Variants in MAP7 observed in about 807,000 individuals in gnomAD.
The protein encoded by MAP7 is microtubule associated protein 7, also known as ensconsin.
Under a neutral mutation model 94.8 loss-of-function variants are expected in MAP7, and 52 were observed. That is an observed-to-expected ratio of 0.55 (90% CI 0.44 to 0.69). The LOEUF is 0.69. MAP7 is among the 30% of genes least tolerant of loss of function. The pLI, the probability that MAP7 is intolerant of heterozygous loss-of-function variation, is 0.00. For synonymous variants in MAP7, 350 were observed against 357.0 expected (o/e 0.98, Z 0.22); for missense variants, 940 against 964.6 (o/e 0.97, Z 0.34).
At chr6:136,346,750 T>G (rs897069651) in intron 16 of MAP7, among the ~76,000 whole-genome samples, 2 of 152,124 alleles carry the variant, frequency 1.3e-5, no homozygotes, top group Admixed American at 6.5e-5. Context: ...ATGAGGACCT[T>G]TGCCTCAAAG....
intron 1 of MAP7, among the ~76,000 whole-genome samples, chr6:136,484,595 G>T (rs1259100799): frequency 6.6e-6 from 1 of 152,112 alleles, no homozygotes; most frequent in African/African-American, 2.4e-5. Flanking sequence ...ATCAATTGAG[G>T]GTTGTTTTCT....
chr6:136,480,559 G>A (rs1340295680), intron 1 of MAP7, among the ~76,000 whole-genome samples: 9 of 144,990 alleles, frequency 6.2e-5, no homozygotes, highest in African/African-American at 2.3e-4. Context: ...GGAGAAAGGT[G>A]TGAACCTGGG....
intron 1 of MAP7, among the ~76,000 whole-genome samples, chr6:136,423,081 C>T (rs1436448367): frequency 6.6e-6 from 1 of 152,118 alleles, no homozygotes; most frequent in Non-Finnish European, 1.5e-5. Context: ...AAAAATCTAC[C>T]ATAAGACTTG....
intron 1 of MAP7, among the ~76,000 whole-genome samples, chr6:136,458,994 A>G (rs1804287535): frequency 2.0e-5 from 3 of 152,134 alleles, no homozygotes; most frequent in Admixed American, 2.0e-4. Flanking sequence ...ATTGCAAACC[A>G]TATCATCTGA....
At chr6:136,362,020 C>T (rs892237138) in intron 11 of MAP7, among the ~76,000 whole-genome samples, 2 of 152,032 alleles carry the variant, frequency 1.3e-5, no homozygotes, top group Admixed American at 6.5e-5. Context: ...TGTTGAGAGA[C>T]TAGAAAGGAC....
intron 5 of MAP7, among the ~76,000 whole-genome samples, chr6:136,385,785 T>A (rs2128647649): frequency 6.6e-6 from 1 of 152,324 alleles, no homozygotes; most frequent in African/African-American, 2.4e-5. Flanking sequence ...TTTGTTTTAT[T>A]TTTGAGACAG....
chr6:136,462,169 TAAA>T (rs35449742), intron 1 of MAP7, among the ~76,000 whole-genome samples: 4 of 137,278 alleles, frequency 2.9e-5, no homozygotes, highest in African/African-American at 5.4e-5. Context: ...ACCCTTCTCT[TAAA>T]AAAAAAAAAA....
chr6:136,532,039 C>T (rs1030712185), intron 1 of MAP7, among the ~76,000 whole-genome samples: 6 of 152,022 alleles, frequency 3.9e-5, no homozygotes, highest in African/African-American at 1.4e-4. Flanking sequence ...CTTATCCATT[C>T]AGTAAGAATA....
At chr6:136,504,216 T>C (rs1820670368) in intron 1 of MAP7, among the ~76,000 whole-genome samples, 1 of 152,068 alleles carries the variant, frequency 6.6e-6, no homozygotes, top group African/African-American at 2.4e-5. Context: ...CAAGGGTACA[T>C]ATTATCTCCC....
chr6:136,482,046 G>C lies in MAP7; in HGVS notation c.68-60247C>G, dbSNP rs1812999478. Among the ~76,000 whole-genome samples, 5 of 152,192 alleles carry C rather than the reference G, an allele frequency of 3.3e-5. No individual in the cohort carries two copies. The South Asian group carries it at 1.0e-3, about 32-fold the overall frequency. ...AAAATTTTTAGAAAGATTTACATTA[G>C]ACAAATGTAAATTAAAACCACAATG... On this transcript the variant is annotated intron_variant, in intron 1 of 17. Coordinates refer to ENST00000354570, the MANE Select transcript of MAP7 (RefSeq NM_003980.6).
intron 1 of MAP7, among the ~76,000 whole-genome samples, chr6:136,546,256 G>A (rs1829731444): frequency 6.6e-6 from 1 of 150,940 alleles, no homozygotes; most frequent in Non-Finnish European, 1.5e-5. Context: ...CATGTGATCT[G>A]CCTGCTTCAG....
In MAP7 at chr6:136,417,186, T is replaced by G. The variant is rs566746399; in HGVS notation, c.166+4515A>C. ...GGATCTAATATGGTTAGAATAAAAT[T>G]AAGTTACTGATTCTCACAAGGAAAA... is the stretch of plus-strand genomic sequence containing the variant. On this transcript the variant is annotated intron_variant, in intron 2 of 17. Coordinates refer to ENST00000354570, the MANE Select transcript of MAP7 (RefSeq NM_003980.6). Among the ~76,000 whole-genome samples the G allele has an allele frequency of 3.3e-5, 5 of 152,310 alleles. No individual in the cohort carries two copies. The South Asian group carries it at 6.2e-4, about 19-fold the overall frequency.
intron 1 of MAP7, among the ~76,000 whole-genome samples, chr6:136,530,369 G>A (rs1828384743): frequency 6.6e-6 from 1 of 152,184 alleles, no homozygotes; most frequent in Non-Finnish European, 1.5e-5. Context: ...TCGAAGAGAT[G>A]GTTAATTCTT....
intron 1 of MAP7, among the ~76,000 whole-genome samples, chr6:136,498,019 T>C (rs1290724391): frequency 6.6e-6 from 1 of 152,004 alleles, no homozygotes; most frequent in Non-Finnish European, 1.5e-5. Context: ...CCTCCTAAAA[T>C]GATGGAGACT....
At chr6:136,515,580 T>C (rs1824558806) in intron 1 of MAP7, among the ~76,000 whole-genome samples, 2 of 152,214 alleles carry the variant, frequency 1.3e-5, no homozygotes, top group Admixed American at 1.3e-4. Flanking sequence ...ATTAGTTAAC[T>C]TCATTTCAAA....
intron 1 of MAP7, among the ~76,000 whole-genome samples, chr6:136,423,484 G>A (rs1792059762): frequency 6.6e-6 from 1 of 152,164 alleles, no homozygotes; most frequent in African/African-American, 2.4e-5. Context: ...TGGTGACGGG[G>A]TCCTGGGGGC....
chr6:136,386,092 C>T (rs186330765), intron 5 of MAP7, among the ~76,000 whole-genome samples: 1 of 152,206 alleles, frequency 6.6e-6, no homozygotes, highest in East Asian at 1.9e-4. Context: ...GTTTTACAGA[C>T]CAGTGCTAGT....
intron 5 of MAP7, among the ~76,000 whole-genome samples, chr6:136,386,107 G>A (rs546842858): frequency 6.6e-6 from 1 of 152,222 alleles, no homozygotes; most frequent in South Asian, 2.1e-4. Flanking sequence ...GCTAGTCGAT[G>A]GCCAGCAGCT....
chr6:136,520,859 C>T (rs117806427), intron 1 of MAP7, among the ~76,000 whole-genome samples: 28 of 152,144 alleles, frequency 1.8e-4, no homozygotes, highest in East Asian at 1.4e-3. Flanking sequence ...TTGGTGCTGC[C>T]GGAGCACAAA....
Sources: allele counts gnomAD v4.1 joint callset (sites outside exome capture counted in the v4.1 genomes callset), GRCh38; gene constraint gnomAD v4.1.1; transcripts MANE v1.5; gene names NCBI Gene and HGNC (gene_info 2026-07-23, HGNC 2026-07-21).